The following PPP2R2B variants were observed in gnomAD, a reference collection of about 807,000 sequenced individuals.
PPP2R2B encodes protein phosphatase 2 regulatory subunit Bbeta.
Under a neutral mutation model 46.0 loss-of-function variants are expected in PPP2R2B, and 5 were observed. The ratio of observed to expected loss-of-function variants is 0.11; its 90% CI spans 0.06 to 0.23. PPP2R2B has a LOEUF of 0.23. Among genes scored for constraint, PPP2R2B ranks in the 10% least tolerant of loss-of-function variants. The probability of loss-of-function intolerance (pLI) is 1.00; values close to 1 mark genes in which losing one functional copy is unlikely to be tolerated. For synonymous variants in PPP2R2B, 215 were observed against 206.7 expected, an observed-to-expected ratio of 1.04 and a Z score of -0.34; for missense variants, 367 against 575.0, an observed-to-expected ratio of 0.64 and a Z score of 3.70.
chr5:146,859,074 A>G (rs319239), intron 2 of PPP2R2B, among the ~76,000 whole-genome samples: 73,252 of 151,950 alleles, frequency 0.48, 19,279 homozygotes, highest in East Asian at 0.72. Flanking sequence ...CTGATATTCC[A>G]ATATCATAGA....
Position 146,878,409 on chromosome 5 carries a change from G to T in PPP2R2B, c.-125+182C>A, listed in dbSNP as rs1167805047. ...CCGAGGGGTCTGGTCCCGCCCGCCC[G>T]CCCCGGAGGCGCTCACAAGCGGGTC... On this transcript the variant is annotated intron_variant, in intron 1 of 9. Transcript: ENST00000394411. This position sits in a 1 kb window ranked among gnomAD's most constrained non-coding sequence, Gnocchi z 4.5. 2.7e-6 allele frequency: 2 copies of T among 731,992 alleles called. No homozygotes were observed. Among genetic ancestry groups the T allele is most frequent in the African/African-American group, 1.8e-5 (1 of 55,342 alleles). 45.3% of individuals were successfully genotyped at this position (731,992 alleles called of 1,614,324 possible). A position where few individuals can be genotyped will look rare whatever the true frequency, so the allele number is the denominator to read the frequency against.
At chr5:146,782,373 T>A (rs1242696280) in intron 2 of PPP2R2B, among the ~76,000 whole-genome samples, 1 of 152,226 alleles carries the variant, frequency 6.6e-6, no homozygotes, top group African/African-American at 2.4e-5. Flanking sequence ...AACTTTACAT[T>A]TAGAATATGC....
intron 2 of PPP2R2B, among the ~76,000 whole-genome samples, chr5:147,079,437 T>TATA: frequency 2.3e-5 from 1 of 44,026 alleles, no homozygotes; most frequent in Non-Finnish European, 5.0e-5. Context: ...ACACATTTTA[T>TATA]ATATATACAT....
chr5:146,901,868 T>C (rs886672643), intron 1 of PPP2R2B, among the ~76,000 whole-genome samples: 1 of 152,100 alleles, frequency 6.6e-6, no homozygotes, highest in Non-Finnish European at 1.5e-5. Context: ...CACCTCAAGA[T>C]GGGAAAATGC....
chr5:146,955,774 CTTTT>C (rs5872000), intron 1 of PPP2R2B, among the ~76,000 whole-genome samples: 2 of 115,654 alleles, frequency 1.7e-5, no homozygotes, highest in Non-Finnish European at 1.7e-5. Flanking sequence ...CTTTCTATTA[CTTTT>C]TTTTTTTTTT....
At chr5:146,999,013 CAAAAAAAAAAAAAA>C (rs60753702) in intron 1 of PPP2R2B, among the ~76,000 whole-genome samples, 3 of 65,298 alleles carry the variant, frequency 4.6e-5, no homozygotes, top group East Asian at 5.6e-4. Context: ...GACTCCATAT[CAAAAAAAAAAAAAA>C]AAAAAAAAAA....
chr5:146,598,236 T>C (rs1022986068), intron 8 of PPP2R2B, among the ~76,000 whole-genome samples: 1 of 152,236 alleles, frequency 6.6e-6, no homozygotes, highest in Admixed American at 6.5e-5. Context: ...CGTAGTCTTC[T>C]GTACTTGATT....
intron 6 of PPP2R2B, among the ~76,000 whole-genome samples, chr5:146,645,369 A>G (rs2151087865): frequency 6.6e-6 from 1 of 152,352 alleles, no homozygotes; most frequent in South Asian, 2.1e-4. Flanking sequence ...AGCTTAAAAA[A>G]AAGTCAATGT....
chr5:146,846,458 T>A (rs1276061001), intron 2 of PPP2R2B, among the ~76,000 whole-genome samples: 2 of 151,892 alleles, frequency 1.3e-5, no homozygotes, highest in Non-Finnish European at 2.9e-5. Flanking sequence ...GACGGGTGGA[T>A]CATGAGGTCA....
chr5:146,848,185 G>T (rs1021134427), intron 2 of PPP2R2B, among the ~76,000 whole-genome samples: 2 of 151,956 alleles, frequency 1.3e-5, no homozygotes, highest in African/African-American at 2.4e-5. Flanking sequence ...AATAGATTTA[G>T]ATTGACAGAA....
intron 2 of PPP2R2B, among the ~76,000 whole-genome samples, chr5:146,747,702 G>A (rs1332058757): frequency 6.6e-6 from 1 of 152,132 alleles, no homozygotes; most frequent in Non-Finnish European, 1.5e-5. Flanking sequence ...GACTATTAGG[G>A]ACACATAATT....
rs1444451921 is a variant in PPP2R2B at position 146,873,997 on chromosome 5, TC to T, written c.70+4004del. Among the ~76,000 whole-genome samples the T allele has an allele frequency of 3.3e-5, 5 of 152,350 alleles. No individual in the cohort carries two copies. The East Asian group carries it at 7.7e-4, about 23-fold the overall frequency. On this transcript the variant is annotated intron_variant, in intron 2 of 9. Coordinates refer to ENST00000394411, the MANE Select transcript of PPP2R2B (RefSeq NM_181675.4). ...CTGGGCTTTTGTACCTATTGTCCCT[TC>T]TACCTAAAATGCTTTCAGGTCTTGT...
intron 2 of PPP2R2B, among the ~76,000 whole-genome samples, chr5:146,764,862 TCTGCC>T (rs1754383233): frequency 6.6e-6 from 1 of 151,982 alleles, no homozygotes; most frequent in Non-Finnish European, 1.5e-5. Flanking sequence ...GCACACGTAC[TCTGCC>T]CCATCTAAAC....
chr5:146,997,206 G>A (rs1332552882), intron 1 of PPP2R2B, among the ~76,000 whole-genome samples: 1 of 152,162 alleles, frequency 6.6e-6, no homozygotes, highest in African/African-American at 2.4e-5. Flanking sequence ...AACAATTGTG[G>A]GGTTTCATGG....
At chr5:146,803,487 TA>T (rs1028327403) in intron 2 of PPP2R2B, among the ~76,000 whole-genome samples, 8 of 152,182 alleles carry the variant, frequency 5.3e-5, no homozygotes, top group Non-Finnish European at 1.2e-4. Flanking sequence ...CGGCATTTAA[TA>T]AAATTTATTT....
chr5:146,866,682 C>T (rs1327679454), intron 2 of PPP2R2B, among the ~76,000 whole-genome samples: 1 of 152,028 alleles, frequency 6.6e-6, no homozygotes, highest in South Asian at 2.1e-4. Flanking sequence ...ATCATATATA[C>T]ATCATATGTA....
chr5:146,914,907 A>C (rs1283156511), intron 1 of PPP2R2B, among the ~76,000 whole-genome samples: 1 of 152,158 alleles, frequency 6.6e-6, no homozygotes, highest in Non-Finnish European at 1.5e-5. Flanking sequence ...CTAGTCCTCC[A>C]CTTTCAGTAT....
chr5:146,815,986 C>T (rs1435619578), intron 2 of PPP2R2B, among the ~76,000 whole-genome samples: 2 of 152,190 alleles, frequency 1.3e-5, no homozygotes, highest in East Asian at 3.8e-4. Flanking sequence ...TTCACCACTC[C>T]TCCAACCTAA....
At chr5:147,041,269 C>T (rs1756283399) in intron 1 of PPP2R2B, among the ~76,000 whole-genome samples, 1 of 152,056 alleles carries the variant, frequency 6.6e-6, no homozygotes, top group South Asian at 2.1e-4. Flanking sequence ...CAGTGGGTGC[C>T]CTCCTCTCCT....
Sources: allele counts gnomAD v4.1 joint callset (sites outside exome capture counted in the v4.1 genomes callset), GRCh38; gene constraint gnomAD v4.1.1; non-coding constraint Gnocchi (gnomAD v3.1); transcripts MANE v1.5; gene names NCBI Gene and HGNC (gene_info 2026-07-23, HGNC 2026-07-21).